Variants in SCN8A observed in about 807,000 individuals in gnomAD.
SCN8A encodes sodium channel protein type 8 subunit alpha.
A neutral mutation model predicts 184.1 loss-of-function variants in SCN8A; 30 were observed. The ratio of observed to expected loss-of-function variants is 0.16; its 90% CI spans 0.12 to 0.22. The LOEUF is 0.22. Among genes scored for constraint, SCN8A ranks in the 10% least tolerant of loss-of-function variants. SCN8A has a pLI of 1.00. For synonymous variants in SCN8A, 852 were observed against 907.0 expected (o/e 0.94, Z 1.09); for missense variants, 1,057 against 2,498.9 (o/e 0.42, Z 12.30).
intron 1 of SCN8A, among the ~76,000 whole-genome samples, chr12:51,594,153 C>T (rs145428297): frequency 1.5e-3 from 236 of 152,342 alleles, no homozygotes; most frequent in African/African-American, 5.5e-3. Context: ...CCACCCAATA[C>T]AGGAATCTCC....
At chr12:51,600,143 A>G (rs902870421) in intron 1 of SCN8A, among the ~76,000 whole-genome samples, 2 of 152,100 alleles carry the variant, frequency 1.3e-5, no homozygotes, top group African/African-American at 4.8e-5. Flanking sequence ...TTATTATCTA[A>G]GCTCTCACTG....
At chr12:51,663,333 AG>A (rs1054726598) in intron 2 of SCN8A, among the ~76,000 whole-genome samples, 7 of 152,046 alleles carry the variant, frequency 4.6e-5, no homozygotes, top group African/African-American at 1.7e-4. Context: ...GATCAGAAAA[AG>A]GGGATGTAAA....
intron 12 of SCN8A, among the ~76,000 whole-genome samples, chr12:51,723,826 C>T (rs957252540): frequency 6.8e-6 from 1 of 146,282 alleles, no homozygotes; most frequent in Non-Finnish European, 1.5e-5. Context: ...CCAGCCTGGG[C>T]AACAGAGCGA....
chr12:51,672,767 A>G (rs1172252573), intron 2 of SCN8A, among the ~76,000 whole-genome samples: 1 of 152,126 alleles, frequency 6.6e-6, no homozygotes, highest in Non-Finnish European at 1.5e-5. Flanking sequence ...AAAATTCTAG[A>G]TATCATTTTT....
At chr12:51,591,903 C>G (rs73101318) in intron 1 of SCN8A, among the ~76,000 whole-genome samples, 1 of 152,130 alleles carries the variant, frequency 6.6e-6, no homozygotes, top group Non-Finnish European at 1.5e-5. Context: ...CTCCCGACTC[C>G]CTCTGTCCTT....
chr12:51,617,502 A>G (rs936371740), intron 1 of SCN8A, among the ~76,000 whole-genome samples: 3 of 151,958 alleles, frequency 2.0e-5, no homozygotes, highest in Admixed American at 2.0e-4. Context: ...TTATTTTTCC[A>G]TTTATTTCAA....
At chr12:51,768,830 G>A (rs369555796) in intron 16 of SCN8A, 35 bp from the exon 17 acceptor site, 5 of 1,505,198 alleles carry the variant, frequency 3.3e-6, no homozygotes, top group South Asian at 1.4e-5. Flanking sequence ...TAACTTTTCT[G>A]CATTTGTTCC....
At chr12:51,771,700 AG>A (rs1465770436) in intron 19 of SCN8A, among the ~76,000 whole-genome samples, 1 of 152,208 alleles carries the variant, frequency 6.6e-6, no homozygotes, top group Non-Finnish European at 1.5e-5. Flanking sequence ...ATCTGAGTGA[AG>A]GGGAGCCAGA....
intron 1 of SCN8A, among the ~76,000 whole-genome samples, chr12:51,611,992 T>A (rs1269505952): frequency 6.6e-6 from 1 of 152,230 alleles, no homozygotes; most frequent in African/African-American, 2.4e-5. Context: ...TATTTCTTCC[T>A]GTCTAATCTA....
intron 10 of SCN8A, among the ~76,000 whole-genome samples, chr12:51,706,024 G>T (rs1437412117): frequency 6.6e-6 from 1 of 152,184 alleles, no homozygotes; most frequent in Non-Finnish European, 1.5e-5. Context: ...AGTAAAACTT[G>T]AAAGACATTT....
At chr12:51,664,630 T>G (rs1358678750) in intron 2 of SCN8A, among the ~76,000 whole-genome samples, 2 of 152,198 alleles carry the variant, frequency 1.3e-5, no homozygotes, top group African/African-American at 4.8e-5. Context: ...GCAAGACACT[T>G]CATCTCTCTG....
chr12:51,666,537 T>C (rs754715490), intron 2 of SCN8A, among the ~76,000 whole-genome samples: 1 of 152,180 alleles, frequency 6.6e-6, no homozygotes, highest in African/African-American at 2.4e-5. Flanking sequence ...GGACATTCCT[T>C]TCTGTTTGTT....
At position 51,788,221 on chromosome 12, in the gene SCN8A, G is replaced by A. The variant is rs564641586; in HGVS notation, c.4228-474G>A. ...CTATACATGTGTATATTAGTAAAGG[G>A]TAAGTCTGATCTTGTTTTTCTGTTA... On this transcript the variant is annotated intron_variant, in intron 22 of 26. Coordinates refer to ENST00000627620, the MANE Select transcript of SCN8A (RefSeq NM_001330260.2). Among the ~76,000 whole-genome samples the A allele has an allele frequency of 3.3e-5, 5 of 150,850 alleles. No individual in the cohort carries two copies. In the East Asian group the frequency reaches 9.7e-4, roughly 29 times the overall value.
intron 1 of SCN8A, among the ~76,000 whole-genome samples, chr12:51,622,561 G>T (rs751683764): frequency 3.9e-5 from 6 of 152,044 alleles, no homozygotes; most frequent in Non-Finnish European, 8.8e-5. Flanking sequence ...ATTAGACTGG[G>T]GTTATGGATT....
intron 1 of SCN8A, among the ~76,000 whole-genome samples, chr12:51,656,147 G>A (rs895346706): frequency 4.6e-5 from 7 of 152,182 alleles, no homozygotes; most frequent in African/African-American, 1.7e-4. Context: ...AGGTAAGAAA[G>A]AAAGATGTCA....
At chr12:51,657,317 A>C (rs1160112663) in intron 1 of SCN8A, among the ~76,000 whole-genome samples, 1 of 152,152 alleles carries the variant, frequency 6.6e-6, no homozygotes, top group Non-Finnish European at 1.5e-5. Context: ...GAACATTCAA[A>C]ATCCACTTTT....
chr12:51,640,479 G>A (rs1003449239), intron 1 of SCN8A, among the ~76,000 whole-genome samples: 9 of 151,542 alleles, frequency 5.9e-5, no homozygotes, highest in African/African-American at 2.2e-4. Context: ...TTTTTTGATC[G>A]GGGGAATAAG....
At chr12:51,714,170 C>T (rs1043887952) in intron 11 of SCN8A, among the ~76,000 whole-genome samples, 1 of 152,118 alleles carries the variant, frequency 6.6e-6, no homozygotes, top group Admixed American at 6.5e-5. Flanking sequence ...ATAACCTTTT[C>T]AGATAACTGT....
At position 51,705,684 on chromosome 12, in the gene SCN8A, C is replaced by G. The variant is rs1048379859; in HGVS notation, c.1341+61C>G. The G allele has an allele frequency of 1.9e-5, 27 of 1,389,554 alleles. No individual in the cohort carries two copies. In the African/African-American group the frequency reaches 3.7e-4, roughly 19 times the overall value. 86.1% of individuals were successfully genotyped at this position (1,389,554 alleles called of 1,614,324 possible). A position where few individuals can be genotyped will look rare whatever the true frequency, so the allele number is the denominator to read the frequency against. On this transcript the variant is annotated intron_variant, in intron 10 of 26. Transcript: ENST00000627620. ...CAGATCATGGTGACTAAGACCCCATCTGATTTTCACTGCAGTTGATCTTTT... is the reference window on the plus strand; with the variant it reads ...CAGATCATGGTGACTAAGACCCCATGTGATTTTCACTGCAGTTGATCTTTT...
Sources: allele counts gnomAD v4.1 joint callset (sites outside exome capture counted in the v4.1 genomes callset), GRCh38; gene constraint gnomAD v4.1.1; transcripts MANE v1.5; gene names NCBI Gene and HGNC (gene_info 2026-07-23, HGNC 2026-07-21).